Variants in PLCG2 observed in about 807,000 individuals in gnomAD.
PLCG2 encodes phospholipase C gamma 2.
PLCG2 carries 69 observed loss-of-function variants against 175.6 expected under a neutral mutation model. The observed-to-expected ratio is 0.39, with a 90% CI of 0.32 to 0.48. PLCG2 has a LOEUF of 0.48. Among genes scored for constraint, PLCG2 ranks in the 20% least tolerant of loss-of-function variants. The pLI, the probability that PLCG2 is intolerant of heterozygous loss-of-function variation, is 0.91. For missense variants in PLCG2, 1,798 were observed against 1,650.9 expected (o/e 1.09, Z -1.54); for synonymous variants, 827 against 624.0 (o/e 1.33, Z -4.85).
chr16:81,877,081 G>T (rs1907826557), intron 7 of PLCG2, among the ~76,000 whole-genome samples: 1 of 152,204 alleles, frequency 6.6e-6, no homozygotes, highest in Non-Finnish European at 1.5e-5. Flanking sequence ...GACTGAGACT[G>T]TCACCGTCTT....
intron 7 of PLCG2, among the ~76,000 whole-genome samples, chr16:81,873,748 A>G (rs1391282447): frequency 6.6e-6 from 1 of 152,180 alleles, no homozygotes; most frequent in African/African-American, 2.4e-5. Flanking sequence ...TGGGCAACAT[A>G]GTGAGACCTA....
At chr16:81,942,564 A>G (rs1910988013) in intron 30 of PLCG2, among the ~76,000 whole-genome samples, 1 of 152,198 alleles carries the variant, frequency 6.6e-6, no homozygotes, top group Non-Finnish European at 1.5e-5. Context: ...CTTTTAAACC[A>G]GTTGGAGCGC....
Position 81,923,605 on chromosome 16 carries a change from G to GT in PLCG2, c.2417+12dup. ...GGAGCCCGGGGGCTGGTAAGGCTGA[G>GT]TGGAGGCTGGGCTGCTCGGCAGGTG... On this transcript the variant is annotated intron_variant, in intron 22 of 32. Transcript: ENST00000564138. The GT allele has an allele frequency of 1.9e-6, 3 of 1,539,336 alleles. No individual in the cohort carries two copies. Among genetic ancestry groups the GT allele is most frequent in the Non-Finnish European group, 2.7e-6 (3 of 1,112,730 alleles).
At chr16:81,848,071 G>A (rs1906215333) in intron 2 of PLCG2, among the ~76,000 whole-genome samples, 1 of 152,214 alleles carries the variant, frequency 6.6e-6, no homozygotes, top group African/African-American at 2.4e-5. Flanking sequence ...CGAAATCAGA[G>A]GACTGCAAGA....
intron 14 of PLCG2, 122 bp downstream of exon 14, chr16:81,900,902 G>C (rs1909122177): frequency 1.3e-6 from 1 of 762,922 alleles, no homozygotes; most frequent in Non-Finnish European, 2.1e-6. Flanking sequence ...CACTGCACAG[G>C]CTCAAATCTG....
chr16:81,783,103 C>G (rs1406691064), intron 1 of PLCG2: 2 of 481,162 alleles, frequency 4.2e-6, no homozygotes, highest in African/African-American at 2.0e-5. Flanking sequence ...AACTGAGGAG[C>G]CTGGTCCCTT....
chr16:81,950,208 C>A (rs117206583), intron 31 of PLCG2, among the ~76,000 whole-genome samples: 2,661 of 152,092 alleles, frequency 0.017, 38 homozygotes, highest in Non-Finnish European at 0.029. Flanking sequence ...GTGTTTACAA[C>A]AAGAGGCCTA....
intron 2 of PLCG2, among the ~76,000 whole-genome samples, chr16:81,825,292 T>TGTTTTG (rs199958718): frequency 6.9e-6 from 1 of 145,086 alleles, no homozygotes; most frequent in African/African-American, 2.6e-5. Flanking sequence ...AATTTTTTTT[T>TGTTTTG]TTTTTTTTTT....
At chr16:81,840,989 T>G (rs997755584) in intron 2 of PLCG2, among the ~76,000 whole-genome samples, 1 of 152,198 alleles carries the variant, frequency 6.6e-6, no homozygotes, top group African/African-American at 2.4e-5. Context: ...CTTAAAACTC[T>G]TATCTATTGA....
chr16:81,868,626 AC>A (rs1378316802), intron 5 of PLCG2, among the ~76,000 whole-genome samples: 5 of 152,174 alleles, frequency 3.3e-5, no homozygotes, highest in African/African-American at 1.2e-4. Flanking sequence ...CCTGATGTTT[AC>A]CCAGGCTTCA....
intron 2 of PLCG2, among the ~76,000 whole-genome samples, chr16:81,815,161 T>C (rs1376913677): frequency 2.6e-5 from 4 of 152,198 alleles, no homozygotes; most frequent in African/African-American, 9.7e-5. Context: ...GATATGACGC[T>C]CTGGAACGCC....
chr16:81,809,576 C>A (rs895379483), intron 2 of PLCG2, among the ~76,000 whole-genome samples: 2 of 152,180 alleles, frequency 1.3e-5, no homozygotes, highest in Non-Finnish European at 2.9e-5. Flanking sequence ...GAGTCTGTTT[C>A]TGGGGGAACC....
At chr16:81,877,271 G>T (rs542030231) in intron 7 of PLCG2, among the ~76,000 whole-genome samples, 6 of 152,136 alleles carry the variant, frequency 3.9e-5, no homozygotes, top group Non-Finnish European at 8.8e-5. Context: ...TGGCTGACAC[G>T]GTGAAACCCT....
At chr16:81,767,420 C>G (rs547656840) in intron 2 of PLCG2, 1 of 152,190 alleles carries the variant, frequency 6.6e-6, no homozygotes, top group Non-Finnish European at 1.5e-5. Context: ...GCTGGAATTA[C>G]AGGCGTGAAC....
chr16:81,769,232 A>G (rs768216064), intron 2 of PLCG2, among the ~76,000 whole-genome samples: 8 of 152,162 alleles, frequency 5.3e-5, no homozygotes, highest in Non-Finnish European at 1.2e-4. Context: ...CCCCCTTACC[A>G]TTACGTCTAA....
chr16:81,882,112 T>C (rs62047369), intron 8 of PLCG2, among the ~76,000 whole-genome samples: 19,329 of 152,234 alleles, frequency 0.13, 1,382 homozygotes, highest in Non-Finnish European at 0.17. Context: ...TTACACTATT[T>C]GAAATAGACC....
intron 2 of PLCG2, among the ~76,000 whole-genome samples, chr16:81,758,765 C>T (rs1909981419): frequency 6.6e-6 from 1 of 151,918 alleles, no homozygotes; most frequent in Non-Finnish European, 1.5e-5. Flanking sequence ...GCAACCTTTG[C>T]CTCCCAGGTT....
intron 2 of PLCG2, among the ~76,000 whole-genome samples, chr16:81,818,526 G>A (rs776977420): frequency 7.2e-5 from 11 of 151,970 alleles, no homozygotes; most frequent in African/African-American, 2.2e-4. Context: ...GATACTCATC[G>A]GCTGCACGGA....
Position 81,873,970 on chromosome 16 carries a change from G to A in PLCG2, c.648+3035G>A, listed in dbSNP as rs181970455. Among the ~76,000 whole-genome samples, 1,333 of 152,238 alleles carry A rather than the reference G, an allele frequency of 8.8e-3. 10 individuals carry two copies. Among genetic ancestry groups the A allele is most frequent in the Middle Eastern group, 0.041 (12 of 294 alleles). ...GGGAGAAACATAAATTGGAATCAGAGTTTTACAAAATGTCAGAACCCTCTG... is the reference window on the plus strand; with the variant it reads ...GGGAGAAACATAAATTGGAATCAGAATTTTACAAAATGTCAGAACCCTCTG... On this transcript the variant is annotated intron_variant, in intron 7 of 32. Coordinates refer to ENST00000564138, the MANE Select transcript of PLCG2 (RefSeq NM_002661.5).
Sources: allele counts gnomAD v4.1 joint callset (sites outside exome capture counted in the v4.1 genomes callset), GRCh38; gene constraint gnomAD v4.1.1; transcripts MANE v1.5; gene names NCBI Gene and HGNC (gene_info 2026-07-23, HGNC 2026-07-21).